The following CNTNAP5 variants were observed in gnomAD, a reference collection of about 807,000 sequenced individuals.
CNTNAP5 encodes contactin associated protein family member 5.
CNTNAP5 carries 72 observed loss-of-function variants against 150.2 expected under a neutral mutation model. The ratio of observed to expected loss-of-function variants is 0.48; its 90% CI spans 0.40 to 0.58. CNTNAP5 has a LOEUF of 0.58. CNTNAP5 is among the 20% of genes least tolerant of loss of function. The pLI is 0.00. For synonymous variants in CNTNAP5, 672 were observed against 619.8 expected (o/e 1.08, Z -1.25); for missense variants, 1,636 against 1,626.2 (o/e 1.01, Z -0.10).
chr2:124,390,085 G>A (rs1172163403), intron 3 of CNTNAP5, among the ~76,000 whole-genome samples: 1 of 152,118 alleles, frequency 6.6e-6, no homozygotes, highest in Non-Finnish European at 1.5e-5. Flanking sequence ...TGAAGTATGA[G>A]TGTCCCCAAA....
At chr2:124,567,163 A>C (rs980464058) in intron 11 of CNTNAP5, among the ~76,000 whole-genome samples, 1 of 152,174 alleles carries the variant, frequency 6.6e-6, no homozygotes, top group Non-Finnish European at 1.5e-5. Flanking sequence ...AGATAGGATT[A>C]ACTTTTTTTG....
intron 1 of CNTNAP5, among the ~76,000 whole-genome samples, chr2:124,119,171 C>A (rs372594242): frequency 6.6e-6 from 1 of 152,106 alleles, no homozygotes; most frequent in East Asian, 1.9e-4. Flanking sequence ...TCCTGACTAC[C>A]TAGAAAGAAG....
rs1329925790 is a variant in CNTNAP5, at chr2:124,772,721, C to T, written c.2534-78C>T. ...CTCTATATTGATACTGACTTACAAT[C>T]GTTTCTCCCACTCAAGCCTGTGCCT... is the stretch of plus-strand genomic sequence containing the variant. On this transcript the variant is annotated intron_variant, in intron 16 of 23. Transcript: ENST00000682447. 43 of 1,046,296 alleles carry T rather than the reference C, an allele frequency of 4.1e-5. 1 individual carries two copies. The highest frequency in any genetic ancestry group is 1.0e-4 in the South Asian group (8 of 77,932). 64.8% of individuals were successfully genotyped at this position (1,046,296 alleles called of 1,614,324 possible). A position where few individuals can be genotyped will look rare whatever the true frequency, so the allele number is the denominator to read the frequency against.
intron 21 of CNTNAP5, among the ~76,000 whole-genome samples, chr2:124,871,701 T>A (rs1468999263): frequency 1.2e-4 from 19 of 152,154 alleles, no homozygotes; most frequent in Non-Finnish European, 2.8e-4. Context: ...ACCACCTCCA[T>A]ACCTACTACT....
chr2:124,584,113 G>T (rs1696473947), intron 11 of CNTNAP5, among the ~76,000 whole-genome samples: 1 of 151,996 alleles, frequency 6.6e-6, no homozygotes, highest in Non-Finnish European at 1.5e-5. Context: ...ATAAATACAG[G>T]TATACCTCCA....
At chr2:124,600,019 T>C (rs1488480055) in intron 11 of CNTNAP5, among the ~76,000 whole-genome samples, 3 of 152,088 alleles carry the variant, frequency 2.0e-5, no homozygotes, top group Non-Finnish European at 4.4e-5. Context: ...AACAAGTGCA[T>C]TCTCAATAAA....
intron 1 of CNTNAP5, among the ~76,000 whole-genome samples, chr2:124,065,952 T>C (rs1306123455): frequency 6.6e-6 from 1 of 152,192 alleles, no homozygotes; most frequent in Non-Finnish European, 1.5e-5. Context: ...CTGGTTTTGG[T>C]TTCAAATGGA....
chr2:124,414,090 G>T (rs115782212), intron 3 of CNTNAP5, among the ~76,000 whole-genome samples: 1,747 of 148,422 alleles, frequency 0.012, 24 homozygotes, highest in African/African-American at 0.041. Flanking sequence ...TAGATTGATA[G>T]TGTTTTACTT....
intron 1 of CNTNAP5, among the ~76,000 whole-genome samples, chr2:124,065,723 G>A (rs989447415): frequency 5.3e-5 from 8 of 152,126 alleles, no homozygotes; most frequent in Non-Finnish European, 1.0e-4. Flanking sequence ...ACAGAAATAG[G>A]AATTCAAGTG....
chr2:124,632,985 G>A (rs1280485197), intron 12 of CNTNAP5, among the ~76,000 whole-genome samples: 1 of 152,042 alleles, frequency 6.6e-6, no homozygotes, highest in Non-Finnish European at 1.5e-5. Context: ...AGCACTAGGA[G>A]AATGGTGCTA....
At chr2:124,530,919 G>A (rs770578315) in intron 10 of CNTNAP5, among the ~76,000 whole-genome samples, 4 of 152,058 alleles carry the variant, frequency 2.6e-5, no homozygotes, top group Non-Finnish European at 5.9e-5. Context: ...AATAGTCTAA[G>A]CCAGCGGTCC....
intron 13 of CNTNAP5, among the ~76,000 whole-genome samples, chr2:124,717,907 C>T (rs151137241): frequency 2.0e-4 from 31 of 152,052 alleles, no homozygotes; most frequent in Non-Finnish European, 4.3e-4. Flanking sequence ...TGAACTTTTC[C>T]ACAATAAAAA....
intron 20 of CNTNAP5, among the ~76,000 whole-genome samples, chr2:124,866,410 G>A (rs1007745874): frequency 3.9e-5 from 6 of 152,174 alleles, no homozygotes; most frequent in South Asian, 4.1e-4. Flanking sequence ...TGAGGAAGAC[G>A]CATGGGCAAA....
At chr2:124,498,715 T>G (rs1016899638) in intron 7 of CNTNAP5, among the ~76,000 whole-genome samples, 1 of 152,186 alleles carries the variant, frequency 6.6e-6, no homozygotes, top group African/African-American at 2.4e-5. Context: ...AAGACAGGAA[T>G]TATTAGGGAA....
intron 3 of CNTNAP5, among the ~76,000 whole-genome samples, chr2:124,318,784 A>C (rs1689030348): frequency 6.7e-6 from 1 of 150,226 alleles, no homozygotes; most frequent in African/African-American, 2.5e-5. Flanking sequence ...CTCCTCTCCT[A>C]CCTCCCACTT....
chr2:124,868,841 C>G (rs949486000), intron 20 of CNTNAP5, among the ~76,000 whole-genome samples: 1 of 152,018 alleles, frequency 6.6e-6, no homozygotes, highest in African/African-American at 2.4e-5. Flanking sequence ...TACAGGTGAA[C>G]TGTAAAATAA....
chr2:124,194,002 A>G (rs2104698709), intron 1 of CNTNAP5, among the ~76,000 whole-genome samples: 1 of 152,208 alleles, frequency 6.6e-6, no homozygotes, highest in East Asian at 1.9e-4. Flanking sequence ...TAAGTGACCT[A>G]ATCAACCTTA....
chr2:124,334,276 C>G (rs1435640468), intron 3 of CNTNAP5, among the ~76,000 whole-genome samples: 2 of 152,072 alleles, frequency 1.3e-5, no homozygotes, highest in Non-Finnish European at 2.9e-5. Context: ...GAGGTAGAAG[C>G]TTTAAGAAAA....
At chr2:124,361,617 G>A (rs1690200037) in intron 3 of CNTNAP5, among the ~76,000 whole-genome samples, 1 of 139,514 alleles carries the variant, frequency 7.2e-6, no homozygotes, top group South Asian at 2.3e-4. Context: ...CAGTTAGGCT[G>A]CTCGGGGGTC....
Sources: gnomAD v4.1 joint callset for allele counts (sites outside exome capture counted in the v4.1 genomes callset) on GRCh38, gnomAD v4.1.1 for gene constraint, MANE v1.5 for transcripts, NCBI Gene and HGNC (gene_info 2026-07-23, HGNC 2026-07-21) for gene names.